ADAMTS9: variants seen among roughly 807,000 people sequenced by gnomAD.
The protein encoded by ADAMTS9 is ADAM metallopeptidase with thrombospondin type 1 motif 9.
A neutral mutation model predicts 257.1 loss-of-function variants in ADAMTS9; 107 were observed. That is an observed-to-expected ratio of 0.42 (90% CI 0.36 to 0.49). The LOEUF (loss-of-function observed/expected upper bound fraction) is 0.49, where lower values mean the gene tolerates loss of function less well. Among genes scored for constraint, ADAMTS9 ranks in the 20% least tolerant of loss-of-function variants. The pLI is 0.03. For missense variants in ADAMTS9, 2,353 were observed against 2,469.1 expected, an observed-to-expected ratio of 0.95 and a Z score of 1.00; for synonymous variants, 982 against 880.9, an observed-to-expected ratio of 1.11 and a Z score of -2.03.
intron 38 of ADAMTS9, among the ~76,000 whole-genome samples, chr3:64,525,348 T>G (rs1162739675): frequency 6.6e-6 from 1 of 152,256 alleles, no homozygotes; most frequent in East Asian, 1.9e-4. Flanking sequence ...AATAACCATG[T>G]CACATAATTC....
chr3:64,630,040 G>C (rs988718167), intron 16 of ADAMTS9, among the ~76,000 whole-genome samples: 10 of 144,054 alleles, frequency 6.9e-5, no homozygotes, highest in African/African-American at 2.7e-4. Context: ...TTCCTGCCTG[G>C]ATATTACAAT....
chr3:64,673,650 G>A (rs76748324), intron 3 of ADAMTS9, among the ~76,000 whole-genome samples: 2 of 152,084 alleles, frequency 1.3e-5, no homozygotes, highest in Non-Finnish European at 2.9e-5. Context: ...TAGGTACTGT[G>A]TAGGCAATAT....
At chr3:64,542,176 T>C (rs2083132282) in intron 32 of ADAMTS9, among the ~76,000 whole-genome samples, 1 of 151,948 alleles carries the variant, frequency 6.6e-6, no homozygotes, top group Non-Finnish European at 1.5e-5. Flanking sequence ...GTTCATGCAT[T>C]TATACAAACA....
intron 3 of ADAMTS9, among the ~76,000 whole-genome samples, chr3:64,665,849 A>G (rs1232415606): frequency 6.6e-6 from 1 of 152,216 alleles, no homozygotes; most frequent in Non-Finnish European, 1.5e-5. Context: ...TGACCTTTAA[A>G]TGGGCATATA....
At chr3:64,517,416 G>GTTTTTTTTTTTTTTTTT (rs755480110) in intron 39 of ADAMTS9, among the ~76,000 whole-genome samples, 4,569 of 52,642 alleles carry the variant, frequency 0.087, 1,720 homozygotes, top group Non-Finnish European at 0.14. Flanking sequence ...ATTAAAAATG[G>GTTTTTTTTTTTTTTTTT]TTTTTTTTTT....
rs1350009717 is a variant in ADAMTS9 at position 64,522,209 on chromosome 3, G to A, written c.5770C>T (p.Pro1924Ser). 1.2e-6 allele frequency: 2 copies of A among 1,614,064 alleles called. No individual in the cohort carries two copies. Among genetic ancestry groups the A allele is most frequent in the Non-Finnish European group, 1.7e-6 (2 of 1,179,950 alleles). The change falls in exon 39 of 40, where the codon CCA becomes TCA. Residue 1924 changes from proline to serine, a missense_variant. Coordinates refer to ENST00000498707, the MANE Select transcript of ADAMTS9 (RefSeq NM_182920.2). ...KCGGYCGKCT[P>S]SSGTGLEVRV... Reference sequence around the variant, plus strand: ...ACCTCCAGGCCAGTACCAGAGGATGGAGTGCATTTTCCACAGTAACCACCG... The same window carrying A: ...ACCTCCAGGCCAGTACCAGAGGATGAAGTGCATTTTCCACAGTAACCACCG...
chr3:64,686,430 A>T lies in ADAMTS9; in HGVS notation c.516+138T>A. ...CAGAGCTAGCTACCCAAACCATACG[A>T]GTTTCTAGCTGATATTTAACGCCGG... On this transcript the variant is annotated intron_variant, in intron 2 of 39. Coordinates refer to ENST00000498707, the MANE Select transcript of ADAMTS9 (RefSeq NM_182920.2). This position sits in a 1 kb window ranked among gnomAD's most constrained non-coding sequence, Gnocchi z 4.6. 1 of 1,225,204 alleles carries T rather than the reference A, an allele frequency of 8.2e-7. No individual in the cohort carries two copies. Among genetic ancestry groups the T allele is most frequent in the Non-Finnish European group, 1.1e-6 (1 of 901,860 alleles). The allele number at this position is 1,225,204 out of a possible 1,614,324, so 75.9% of individuals were successfully genotyped here.
chr3:64,673,974 T>A (rs942286215), intron 3 of ADAMTS9, among the ~76,000 whole-genome samples: 3 of 151,996 alleles, frequency 2.0e-5, no homozygotes, highest in Non-Finnish European at 2.9e-5. Flanking sequence ...TGATAATTTT[T>A]AAAAAAATTT....
rs771608763 is a variant in ADAMTS9, at chr3:64,615,483, A to G, written c.3027T>C (p.Cys1009=). Residue 1009 remains cysteine (C), a splice_region_variant and synonymous_variant, in exon 21 of 40, where the codon TGT becomes TGC. Coordinates refer to ENST00000498707, the MANE Select transcript of ADAMTS9 (RefSeq NM_182920.2). The part of the protein sequence containing the change: ...GGWRYSAWTE[C]SKSCDGGTQR... ...GGGTCCCACCGTCACAGCTTTTTGA[A>G]CACTGTAGGGACAAAATAAATAAAT... 8 of 1,612,362 alleles carry G rather than the reference A, an allele frequency of 5.0e-6. No homozygotes were observed. In the Admixed American group the frequency reaches 5.0e-5, roughly 10 times the overall value.
intron 12 of ADAMTS9, among the ~76,000 whole-genome samples, chr3:64,641,384 T>C (rs971777438): frequency 6.6e-6 from 1 of 151,752 alleles, no homozygotes. Flanking sequence ...GTTAGTTACA[T>C]ATGTATACAT....
At chr3:64,526,774 C>G (rs893566581) in intron 38 of ADAMTS9, among the ~76,000 whole-genome samples, 1 of 152,062 alleles carries the variant, frequency 6.6e-6, no homozygotes, top group Non-Finnish European at 1.5e-5. Context: ...ATAATAGTAC[C>G]CCATCACGGG....
At chr3:64,579,036 C>T (rs1467284433) in intron 28 of ADAMTS9, among the ~76,000 whole-genome samples, 7 of 152,212 alleles carry the variant, frequency 4.6e-5, no homozygotes, top group South Asian at 2.1e-4. Context: ...CCTCCACCCA[C>T]GTTTTCACTG....
chr3:64,541,563 C>T lies in ADAMTS9; in HGVS notation c.5255G>A (p.Gly1752Asp), dbSNP rs747515768. The T allele has an allele frequency of 1.7e-5, 27 of 1,614,034 alleles. No individual in the cohort carries two copies. Among genetic ancestry groups the T allele is most frequent in the Non-Finnish European group, 2.2e-5 (26 of 1,180,022 alleles). ...TCCTCTAATCATCAGGAAATATTCA[C>T]CATCTTCACTGGCACCTTTAAGTCT... ...VKRLKGASED[G>D]EYFLMIRGKL... is the part of the protein sequence containing the mutation. The change falls in exon 34 of 40, where the codon GGT (glycine) becomes GAT (aspartate). Residue 1752 changes from glycine (G) to aspartate (D), a missense_variant. Transcript: ENST00000498707.
intron 9 of ADAMTS9, 34 bp from the exon 10 acceptor site, chr3:64,649,812 G>C: frequency 6.3e-7 from 1 of 1,590,120 alleles, no homozygotes; most frequent in Non-Finnish European, 8.6e-7. Flanking sequence ...CAGATGGTGA[G>C]AACGGTGGCT....
chr3:64,535,438 G>A (rs2083036967), intron 37 of ADAMTS9, among the ~76,000 whole-genome samples: 1 of 152,076 alleles, frequency 6.6e-6, no homozygotes. Context: ...TGGTTCTTAT[G>A]TGGCATGGCT....
chr3:64,517,539 A>G (rs76211387), intron 39 of ADAMTS9, among the ~76,000 whole-genome samples: 1,840 of 144,804 alleles, frequency 0.013, 29 homozygotes, highest in African/African-American at 0.042. Flanking sequence ...CATTATAGGC[A>G]TGAACCACCA....
intron 23 of ADAMTS9, among the ~76,000 whole-genome samples, chr3:64,605,672 A>T (rs1243851609): frequency 1.3e-5 from 2 of 152,322 alleles, no homozygotes; most frequent in East Asian, 3.9e-4. Flanking sequence ...TACATACATG[A>T]TGCCAAAATC....
rs1346376870 is a variant in ADAMTS9 at position 64,633,320 on chromosome 3, T to C, written c.2175+152A>G. Reference sequence around the variant, plus strand: ...TACACGCATCAGAAAAAAGTGATATTGATGCTGTTGCTGATCCCGGGGCCA... The same window carrying C: ...TACACGCATCAGAAAAAAGTGATATCGATGCTGTTGCTGATCCCGGGGCCA... On this transcript the variant is annotated intron_variant, in intron 14 of 39. Transcript: ENST00000498707. 7 of 1,175,324 alleles carry C rather than the reference T, an allele frequency of 6.0e-6. No individual in the cohort carries two copies. The African/African-American group carries it at 7.7e-5, about 13-fold the overall frequency. The allele number at this position is 1,175,324 out of a possible 1,614,324, so 72.8% of individuals were successfully genotyped here.
chr3:64,597,052 C>A, intron 26 of ADAMTS9, 61 bp from the exon 27 acceptor site: 1 of 1,597,140 alleles, frequency 6.3e-7, no homozygotes, highest in Non-Finnish European at 8.5e-7. Context: ...GACACAGAAG[C>A]AGCTGGTTGA....
Sources: gnomAD v4.1 joint callset for allele counts (sites outside exome capture counted in the v4.1 genomes callset) on GRCh38, gnomAD v4.1.1 for gene constraint, Gnocchi (gnomAD v3.1) non-coding constraint, MANE v1.5 for transcripts, NCBI Gene and HGNC (gene_info 2026-07-23, HGNC 2026-07-21) for gene names.